The following KPNA7 variants were observed in gnomAD, a reference collection of about 807,000 sequenced individuals.
KPNA7 encodes the protein karyopherin subunit alpha 7.
A neutral mutation model predicts 53.7 loss-of-function variants in KPNA7; 54 were observed. The observed-to-expected ratio is 1.01, with a 90% CI of 0.81 to 1.26. KPNA7 has a LOEUF of 1.26. Ranked by LOEUF, KPNA7 falls within the 50% of genes most tolerant of loss-of-function variation. The pLI is 0.00. For synonymous variants in KPNA7, 276 were observed against 259.3 expected, an observed-to-expected ratio of 1.06 and a Z score of -0.62; for missense variants, 640 against 644.5, an observed-to-expected ratio of 0.99 and a Z score of 0.07.
the KPNA7 span, among the ~76,000 whole-genome samples, chr7:99,155,873 T>C: frequency 6.6e-6 from 1 of 152,102 alleles, no homozygotes; most frequent in Non-Finnish European, 1.5e-5. Flanking sequence ...CTCAGATTTA[T>C]GTTTTGTCAT....
intron 1 of KPNA7, among the ~76,000 whole-genome samples, chr7:99,217,619 CTTTTTTTTTTTTTTT>C (rs10616354): frequency 5.0e-5 from 2 of 39,850 alleles, no homozygotes; most frequent in South Asian, 2.2e-3. Context: ...TCCACCTTGC[CTTTTTTTTTTTTTTT>C]TTTTTTTTTT....
At chr7:99,148,083 C>T in the KPNA7 span, among the ~76,000 whole-genome samples, 530 of 152,002 alleles carry the variant, frequency 3.5e-3, 3 homozygotes, top group Non-Finnish European at 4.1e-3. Flanking sequence ...AATCATCAGA[C>T]GCTATCATAT....
In KPNA7 at chr7:99,181,918, G is replaced by A; in HGVS notation, c.1282C>T (p.Leu428Phe). 3 of 1,550,930 alleles carry A rather than the reference G, an allele frequency of 1.9e-6. No individual in the cohort carries two copies. Among genetic ancestry groups the A allele is most frequent in the Non-Finnish European group, 2.6e-6 (3 of 1,146,316 alleles). ...LLTAPDVKIVLIILDVISCIL... is the reference protein window; with the variant it reads ...LLTAPDVKIVFIILDVISCIL... ...CAAGAGATGACATCAAGGATGATGA[G>A]AACAATTTTAACATCTGGGGCAGTG... The change falls in exon 9 of 11, where the codon CTC (leucine) becomes TTC (phenylalanine). Residue 428 changes from leucine to phenylalanine, a missense_variant. Transcript: ENST00000327442.
chr7:99,151,390 T>C, the KPNA7 span, among the ~76,000 whole-genome samples: 3 of 152,154 alleles, frequency 2.0e-5, no homozygotes, highest in Non-Finnish European at 4.4e-5. Context: ...CTATTAGTAA[T>C]ATTAATTCAT....
chr7:99,178,120 A>G lies in KPNA7; in HGVS notation c.1318-54T>C, dbSNP rs115408403. 6,764 of 1,513,728 alleles carry G rather than the reference A, an allele frequency of 4.5e-3. 231 individuals are homozygous for G. In the African/African-American group the frequency reaches 0.081, roughly 18 times the overall value. The allele number at this position is 1,513,728 out of a possible 1,614,324, so 93.8% of individuals were successfully genotyped here. On this transcript the variant is annotated intron_variant, in intron 9 of 10. Coordinates refer to ENST00000327442, the MANE Select transcript of KPNA7 (RefSeq NM_001145715.3). ...CCCCCGGCAGGAGCCTTTGGGGGAT[A>G]GGGACTCTGTCAGCCCTCAAGGGAG...
chr7:99,207,319 C>T, intron 2 of KPNA7, 82 bp downstream of exon 2: 1 of 1,166,850 alleles, frequency 8.6e-7, no homozygotes, highest in Non-Finnish European at 1.3e-6. Context: ...AGGCATGAGC[C>T]ACCGCGCCTG....
chr7:99,168,042 T>C, the KPNA7 span, among the ~76,000 whole-genome samples: 1 of 125,150 alleles, frequency 8.0e-6, no homozygotes, highest in African/African-American at 3.1e-5. Flanking sequence ...CAGTCCGTGG[T>C]GTCCAAAAGG....
intron 10 of KPNA7, among the ~76,000 whole-genome samples, chr7:99,176,125 C>T (rs1003782024): frequency 1.3e-5 from 2 of 151,498 alleles, no homozygotes; most frequent in South Asian, 2.1e-4. Flanking sequence ...GGTGAAACCC[C>T]GTCTCTACTA....
In KPNA7 at chr7:99,213,457, AG is replaced by A. The variant is rs1281811365; in HGVS notation, c.-23-5969del. The stretch of plus-strand genomic sequence containing the variant: ...AAAAAAAAAAAAAAAAAAAAAAAAA[AG>A]AGAGAGAGACAGAGTCTCATTGTTG... On this transcript the variant is annotated intron_variant, in intron 1 of 10. Transcript: ENST00000681060. 8.2e-3 allele frequency among the ~76,000 whole-genome samples: 771 copies of A among 94,292 alleles called. 14 individuals carry two copies. Among genetic ancestry groups the A allele is most frequent in the African/African-American group, 0.032 (706 of 21,888 alleles). The allele number at this position is 94,292 out of a possible 152,430, so 61.9% of individuals were successfully genotyped here.
chr7:99,208,982 T>C (rs575969557), upstream of KPNA7, among the ~76,000 whole-genome samples: 7 of 152,054 alleles, frequency 4.6e-5, no homozygotes, highest in East Asian at 1.4e-3. Context: ...GGAAACCCCA[T>C]CTCTACTAGA....
the KPNA7 span, among the ~76,000 whole-genome samples, chr7:99,159,304 G>A: frequency 7.9e-6 from 1 of 127,212 alleles, no homozygotes; most frequent in Non-Finnish European, 1.6e-5. Flanking sequence ...AGCTATGATA[G>A]TGCTACTTCA....
At chr7:99,166,886 G>A in the KPNA7 span, among the ~76,000 whole-genome samples, 1 of 152,150 alleles carries the variant, frequency 6.6e-6, no homozygotes, top group South Asian at 2.1e-4. Context: ...CCAAAGTGCT[G>A]GGATTACAGG....
the KPNA7 span, among the ~76,000 whole-genome samples, chr7:99,159,057 G>T: frequency 6.6e-6 from 1 of 152,080 alleles, no homozygotes; most frequent in Non-Finnish European, 1.5e-5. Flanking sequence ...TAGAGACGGG[G>T]TTTCACCATG....
chr7:99,214,303 G>C (rs35244406), intron 1 of KPNA7, among the ~76,000 whole-genome samples: 9,139 of 151,254 alleles, frequency 0.06, 311 homozygotes, highest in South Asian at 0.15. Context: ...ATTAGCCAGG[G>C]ATGGTGGCAT....
At chr7:99,160,317 A>T in the KPNA7 span, among the ~76,000 whole-genome samples, 1 of 151,982 alleles carries the variant, frequency 6.6e-6, no homozygotes, top group African/African-American at 2.4e-5. Flanking sequence ...TGAGCCACGC[A>T]CCCGGCCTCT....
At chr7:99,171,270 A>C (rs1021595880), downstream of KPNA7, among the ~76,000 whole-genome samples, 4 of 152,224 alleles carry the variant, frequency 2.6e-5, no homozygotes, top group Non-Finnish European at 5.9e-5. Context: ...GCAGTGTCTG[A>C]AATTTAACCT....
chr7:99,154,680 G>A, the KPNA7 span, among the ~76,000 whole-genome samples: 8 of 151,528 alleles, frequency 5.3e-5, no homozygotes, highest in African/African-American at 1.5e-4. Context: ...GTGCCACCAC[G>A]CCCGGCTAAT....
chr7:99,203,212 C>A lies in KPNA7; in HGVS notation c.95G>T (p.Ser32Ile). The change falls in exon 3 of 11, where the codon AGT (serine) becomes ATT (isoleucine). Residue 32 changes from serine to isoleucine, a missense_variant. Transcript: ENST00000327442. ...TTTCTTGGCCTTTCGGAGCTCCAGACTGACCGCCATCCTCTGCTGTCGCCT... is the reference window on the plus strand; with the variant it reads ...TTTCTTGGCCTTTCGGAGCTCCAGAATGACCGCCATCCTCTGCTGTCGCCT... ...SLRRQQRMAV[S>I]LELRKAKKDE... The A allele has an allele frequency of 6.4e-7, 1 of 1,551,768 alleles. No individual in the cohort carries two copies. Among genetic ancestry groups the A allele is most frequent in the Non-Finnish European group, 8.7e-7 (1 of 1,146,968 alleles).
At chr7:99,178,787 A>AAAAAAAAC in intron 9 of KPNA7, among the ~76,000 whole-genome samples, 1 of 143,248 alleles carries the variant, frequency 7.0e-6, no homozygotes, top group Non-Finnish European at 1.5e-5. Flanking sequence ...AAAAAAAAAA[A>AAAAAAAAC]AAAAAAAAAA....
Sources: gnomAD v4.1 joint callset for allele counts (sites outside exome capture counted in the v4.1 genomes callset) on GRCh38, gnomAD v4.1.1 for gene constraint, MANE v1.5 for transcripts, NCBI Gene and HGNC (gene_info 2026-07-23, HGNC 2026-07-21) for gene names.